Variants in JMJD1C observed in about 807,000 individuals in gnomAD.
JMJD1C encodes the protein jumonji domain containing 1C.
JMJD1C carries 31 observed loss-of-function variants against 245.3 expected under a neutral mutation model. That is an observed-to-expected ratio of 0.13 (90% confidence interval 0.09 to 0.17). The LOEUF is 0.17. JMJD1C is among the 10% of genes least tolerant of loss of function. The pLI is 1.00. For synonymous variants in JMJD1C, 1,057 were observed against 1,017.4 expected (o/e 1.04, Z -0.74); for missense variants, 2,691 against 3,000.2 (o/e 0.90, Z 2.41).
rs114994261 is a variant in JMJD1C, at chr10:63,334,500, T to C, written c.333+45818A>G. Among the ~76,000 whole-genome samples, 917 of 152,214 alleles carry C rather than the reference T, an allele frequency of 6.0e-3. 8 individuals are homozygous for C. Among genetic ancestry groups the C allele is most frequent in the African/African-American group, 0.021 (878 of 41,566 alleles). On this transcript the variant is annotated intron_variant, in intron 2 of 25. Coordinates refer to ENST00000399262, the MANE Select transcript of JMJD1C (RefSeq NM_032776.3). ...ACTTTGGGAGGTCTAGGCAGGTGAATAGCTTGAGCTTAGGAGTTCAAGACC... is the reference window on the plus strand; with the variant it reads ...ACTTTGGGAGGTCTAGGCAGGTGAACAGCTTGAGCTTAGGAGTTCAAGACC...
intron 2 of JMJD1C, among the ~76,000 whole-genome samples, chr10:63,276,085 T>C (rs372865306): frequency 6.6e-6 from 1 of 152,184 alleles, no homozygotes; most frequent in African/African-American, 2.4e-5. Flanking sequence ...TTAAATTATA[T>C]GTTAGAATAC....
chr10:63,441,801 T>C (rs947002474), intron 1 of JMJD1C, among the ~76,000 whole-genome samples: 4 of 152,210 alleles, frequency 2.6e-5, no homozygotes, highest in Non-Finnish European at 4.4e-5. Context: ...CATTATTCAA[T>C]CACTTTCAGT....
intron 3 of JMJD1C, among the ~76,000 whole-genome samples, chr10:63,246,332 G>C (rs1852193372): frequency 6.6e-6 from 1 of 151,996 alleles, no homozygotes; most frequent in African/African-American, 2.4e-5. Flanking sequence ...CATGAGAAAA[G>C]TAAAAACATA....
At chr10:63,347,176 C>A (rs1423496922) in intron 2 of JMJD1C, among the ~76,000 whole-genome samples, 1 of 150,598 alleles carries the variant, frequency 6.6e-6, no homozygotes, top group East Asian at 2.0e-4. Context: ...TCAAGGAATT[C>A]TCCTGTCTCA....
intron 2 of JMJD1C, among the ~76,000 whole-genome samples, chr10:63,291,406 C>T (rs551285822): frequency 3.3e-5 from 5 of 150,214 alleles, no homozygotes; most frequent in Non-Finnish European, 5.9e-5. Context: ...CACAAGGTCA[C>T]GAGATCAAGA....
intron 1 of JMJD1C, among the ~76,000 whole-genome samples, chr10:63,447,099 A>T (rs1294129225): frequency 6.6e-6 from 1 of 151,610 alleles, no homozygotes; most frequent in Non-Finnish European, 1.5e-5. Context: ...ACAAAACAGT[A>T]TTTAAATAAA....
intron 2 of JMJD1C, among the ~76,000 whole-genome samples, chr10:63,278,561 A>AC (rs56824962): frequency 0.021 from 3,260 of 151,704 alleles, 114 homozygotes; most frequent in African/African-American, 0.073. Flanking sequence ...AAACAAACAA[A>AC]AAAAAGAGTA....
intron 1 of JMJD1C, among the ~76,000 whole-genome samples, chr10:63,518,809 C>A (rs1955109599): frequency 6.6e-6 from 1 of 152,214 alleles, no homozygotes; most frequent in Non-Finnish European, 1.5e-5. Context: ...TTACAACAAT[C>A]TAAAAAATGC....
chr10:63,513,869 C>T (rs182625957), intron 1 of JMJD1C, among the ~76,000 whole-genome samples: 40 of 152,014 alleles, frequency 2.6e-4, no homozygotes, highest in African/African-American at 8.7e-4. Flanking sequence ...GCCGAGATCG[C>T]GCCACTGCAC....
In JMJD1C at chr10:63,209,240, T is replaced by C. The variant is rs1284099503; in HGVS notation, c.2695-5A>G. 6.3e-7 allele frequency: 1 copy of C among 1,588,554 alleles called. No individual in the cohort carries two copies. Among genetic ancestry groups the C allele is most frequent in the South Asian group, 1.2e-5 (1 of 86,046 alleles). Reference sequence around the variant, plus strand: ...TAGCCAAGGACTGGGAGAATTCTATTAACAAAACAAAACAAAAAAAACACC... The same window carrying C: ...TAGCCAAGGACTGGGAGAATTCTATCAACAAAACAAAACAAAAAAAACACC... On this transcript the variant is annotated splice_region_variant and splice_polypyrimidine_tract_variant and intron_variant, in intron 8 of 25. Transcript: ENST00000399262.
At chr10:63,204,858 A>G in intron 10 of JMJD1C, 2 of 985,318 alleles carry the variant, frequency 2.0e-6, no homozygotes, top group Non-Finnish European at 2.4e-6. Flanking sequence ...TGGTTTCCAC[A>G]CAGGCATGTG....
In JMJD1C at chr10:63,516,715, G is replaced by A. The variant is rs76524055; in HGVS notation, n.113+5023C>T. Among the ~76,000 whole-genome samples, 1,286 of 152,280 alleles carry A rather than the reference G, an allele frequency of 8.4e-3. 44 individuals are homozygous for A. Among genetic ancestry groups the A allele is most frequent in the East Asian group, 0.037 (194 of 5,184 alleles). On this transcript the variant is annotated intron_variant and non_coding_transcript_variant, in intron 1 of 3. Coordinates refer to the JMJD1C transcript ENST00000633035. ...TCTCAGATAATGTCAATTTCTTACTGTGTGTGCTTCCCAGATCCAGCCATC... is the reference window on the plus strand; with the variant it reads ...TCTCAGATAATGTCAATTTCTTACTATGTGTGCTTCCCAGATCCAGCCATC...
intron 2 of JMJD1C, among the ~76,000 whole-genome samples, chr10:63,344,401 G>C (rs1943632648): frequency 6.6e-6 from 1 of 152,124 alleles, no homozygotes; most frequent in African/African-American, 2.4e-5. Context: ...ATCTTGGTTT[G>C]TGTAAGAACA....
At chr10:63,406,282 T>TTAAC in intron 1 of JMJD1C, among the ~76,000 whole-genome samples, 1 of 152,316 alleles carries the variant, frequency 6.6e-6, no homozygotes, top group East Asian at 1.9e-4. Flanking sequence ...TCTGTGGAGC[T>TTAAC]TAACTAATCA....
At chr10:63,440,372 AGAGAG>A (rs1951312253) in intron 1 of JMJD1C, among the ~76,000 whole-genome samples, 1 of 148,314 alleles carries the variant, frequency 6.7e-6, no homozygotes. Flanking sequence ...ATATAGAGAG[AGAGAG>A]AGAGAGAGAG....
chr10:63,511,249 G>A (rs947592211), intron 1 of JMJD1C, among the ~76,000 whole-genome samples: 23 of 152,038 alleles, frequency 1.5e-4, no homozygotes, highest in Admixed American at 2.0e-4. Context: ...TCCTATTTCC[G>A]TCTTTTACAC....
At chr10:63,288,341 G>A (rs1858221232) in intron 2 of JMJD1C, among the ~76,000 whole-genome samples, 1 of 152,132 alleles carries the variant, frequency 6.6e-6, no homozygotes, top group Non-Finnish European at 1.5e-5. Context: ...CTTTTTAGCA[G>A]TGGGTAATAT....
At chr10:63,446,796 C>A in intron 1 of JMJD1C, among the ~76,000 whole-genome samples, 1 of 152,058 alleles carries the variant, frequency 6.6e-6, no homozygotes, top group South Asian at 2.1e-4. Context: ...CTGCAGTTTC[C>A]TTGGAGTAAT....
intron 1 of JMJD1C, among the ~76,000 whole-genome samples, chr10:63,404,830 T>C (rs1426186883): frequency 6.6e-6 from 1 of 152,150 alleles, no homozygotes; most frequent in East Asian, 1.9e-4. Flanking sequence ...ATAAAGAATG[T>C]TTTAACATTA....
Sources: gnomAD v4.1 joint callset for allele counts (sites outside exome capture counted in the v4.1 genomes callset) on GRCh38, gnomAD v4.1.1 for gene constraint, MANE v1.5 for transcripts, NCBI Gene and HGNC (gene_info 2026-07-23, HGNC 2026-07-21) for gene names.